The following PCDHA2 variants were observed in gnomAD, a reference collection of about 807,000 sequenced individuals.
PCDHA2 encodes protocadherin alpha-2.
Under a neutral mutation model 66.0 loss-of-function variants are expected in PCDHA2, and 58 were observed. The ratio of observed to expected loss-of-function variants is 0.88; its 90% CI spans 0.71 to 1.09. The LOEUF (loss-of-function observed/expected upper bound fraction) is 1.09. Ranked by LOEUF, PCDHA2 falls within the 50% of genes least tolerant of loss-of-function variation. The probability of loss-of-function intolerance (pLI) is 0.00; values close to 1 mark genes in which losing one functional copy is unlikely to be tolerated. For synonymous variants in PCDHA2, 634 were observed against 554.0 expected (o/e 1.14, Z -2.03); for missense variants, 1,267 against 1,242.3 (o/e 1.02, Z -0.30).
intron 1 of PCDHA2, chr5:140,883,054 C>T: frequency 6.2e-7 from 1 of 1,614,072 alleles, no homozygotes; most frequent in South Asian, 1.1e-5. Context: ...CATTAGTGAT[C>T]AAGCTAAATG....
chr5:140,991,719 A>T (rs1451245400), intron 3 of PCDHA2, among the ~76,000 whole-genome samples: 1 of 152,194 alleles, frequency 6.6e-6, no homozygotes, highest in African/African-American at 2.4e-5. Flanking sequence ...TGCTACTAGC[A>T]GCCTGTTCAA....
chr5:140,862,874 T>G (rs2047608966), intron 1 of PCDHA2: 1 of 568,426 alleles, frequency 1.8e-6, no homozygotes, highest in South Asian at 1.4e-5. Context: ...CTGCCAGGTA[T>G]TAGTGCTGGA....
At chr5:140,898,112 G>A (rs1308883558) in intron 1 of PCDHA2, among the ~76,000 whole-genome samples, 1 of 152,046 alleles carries the variant, frequency 6.6e-6, no homozygotes, top group African/African-American at 2.4e-5. Flanking sequence ...TGAGTAGGTT[G>A]CGAAAATTTT....
At chr5:140,861,440 C>T (rs575320775) in intron 1 of PCDHA2, 3 of 493,406 alleles carry the variant, frequency 6.1e-6, no homozygotes, top group South Asian at 4.7e-5. Context: ...ATTCCAAAAG[C>T]CGCAGAAACC....
chr5:140,883,686 A>G (rs1380292802), intron 1 of PCDHA2: 1 of 1,613,664 alleles, frequency 6.2e-7, no homozygotes, highest in East Asian at 2.2e-5. Flanking sequence ...CCGGGCTGCC[A>G]CATCTTCACG....
At chr5:140,805,490 G>T (rs1380481344) in intron 1 of PCDHA2, 19 of 992,542 alleles carry the variant, frequency 1.9e-5, no homozygotes, top group Non-Finnish European at 2.3e-5. Flanking sequence ...GGAGCGTAAA[G>T]CTATTTTCAC....
rs782184518 is a variant in PCDHA2 at position 140,875,731 on chromosome 5, A to G, written c.2388+78379A>G. On this transcript the variant is annotated intron_variant, in intron 1 of 3. Transcript: ENST00000526136. ...TCTGCAGAATGGCATTTTGTTTGTG[A>G]ATTCTCGGATCGACCGCGAGAAGCT... The G allele has an allele frequency of 1.2e-6, 2 of 1,614,032 alleles. No individual in the cohort carries two copies. Among genetic ancestry groups the G allele is most frequent in the African/African-American group, 2.7e-5 (2 of 74,906 alleles).
intron 1 of PCDHA2, among the ~76,000 whole-genome samples, chr5:140,894,679 C>A (rs1227870690): frequency 6.6e-6 from 1 of 151,682 alleles, no homozygotes; most frequent in African/African-American, 2.4e-5. Context: ...TCTTGCATAG[C>A]TTTTCATTAT....
chr5:140,979,462 T>C (rs2096852361), intron 2 of PCDHA2, among the ~76,000 whole-genome samples: 1 of 152,304 alleles, frequency 6.6e-6, no homozygotes, highest in East Asian at 1.9e-4. Context: ...CAATAATTGA[T>C]TGCTATTGTT....
intron 1 of PCDHA2, among the ~76,000 whole-genome samples, chr5:140,818,626 C>T (rs1235638442): frequency 6.6e-6 from 1 of 152,076 alleles, no homozygotes; most frequent in African/African-American, 2.4e-5. Context: ...TGCTTGAGCC[C>T]AGGAGTTCAA....
chr5:140,883,003 C>T, intron 1 of PCDHA2: 1 of 1,614,050 alleles, frequency 6.2e-7, no homozygotes, highest in East Asian at 2.2e-5. Flanking sequence ...TTTACCAATC[C>T]GTTTATAAAG....
At chr5:140,843,766 G>T (rs1303909479) in intron 1 of PCDHA2, 4 of 1,487,952 alleles carry the variant, frequency 2.7e-6, no homozygotes, top group Non-Finnish European at 3.7e-6. Context: ...GGAAATTGTA[G>T]TTACTTTAAA....
intron 1 of PCDHA2, among the ~76,000 whole-genome samples, chr5:140,844,056 C>T (rs2150368567): frequency 1.3e-5 from 2 of 149,686 alleles, no homozygotes; most frequent in African/African-American, 4.9e-5. Context: ...TCCCCCAAAG[C>T]GTTTATTCTT....
intron 1 of PCDHA2, among the ~76,000 whole-genome samples, chr5:140,961,599 G>T (rs1012408317): frequency 6.6e-6 from 1 of 152,062 alleles, no homozygotes; most frequent in African/African-American, 2.4e-5. Context: ...AATGATTCTA[G>T]TAAATGAAAC....
chr5:140,805,962 C>T lies in PCDHA2; in HGVS notation c.2388+8610C>T, dbSNP rs1763656456. Among the ~76,000 whole-genome samples, 3 of 152,212 alleles carry T rather than the reference C, an allele frequency of 2.0e-5. No homozygotes were observed. The South Asian group carries it at 6.2e-4, about 32-fold the overall frequency. ...TCTGAGCTATTAAACAATTAAGATA[C>T]AACTATTCCCTTTAAAATATATATT... On this transcript the variant is annotated intron_variant, in intron 1 of 3. Transcript: ENST00000526136.
chr5:140,913,125 C>G (rs1164527264), intron 1 of PCDHA2, among the ~76,000 whole-genome samples: 1 of 152,132 alleles, frequency 6.6e-6, no homozygotes, highest in Non-Finnish European at 1.5e-5. Context: ...AAGTTAACCC[C>G]TCCTCTACTT....
At chr5:140,906,257 C>A (rs1394766953) in intron 1 of PCDHA2, among the ~76,000 whole-genome samples, 2 of 152,168 alleles carry the variant, frequency 1.3e-5, no homozygotes, top group Non-Finnish European at 2.9e-5. Flanking sequence ...ATACACACCT[C>A]CTGAAATTAT....
At chr5:140,824,029 C>T (rs1470946833) in intron 1 of PCDHA2, 1 of 1,614,040 alleles carries the variant, frequency 6.2e-7, no homozygotes, top group African/African-American at 1.3e-5. Flanking sequence ...GTACTCGCAG[C>T]AGAGGAGACA....
chr5:140,797,213 A>C lies in PCDHA2; in HGVS notation c.2249A>C (p.Tyr750Ser). Residue 750 changes from tyrosine to serine, a missense_variant, in exon 1 of 4, where the codon TAC (tyrosine) becomes TCC (serine). Tyr to Ser is a moderately radical substitution (Grantham distance 144). Coordinates refer to ENST00000526136, the MANE Select transcript of PCDHA2 (RefSeq NM_018905.3). ...TCCAGCGCCGTGGGGAGCTGGTCTTACTCGCAGCAGAGGCGGCAGAGGGTG... is the reference window on the plus strand; with the variant it reads ...TCCAGCGCCGTGGGGAGCTGGTCTTCCTCGCAGCAGAGGCGGCAGAGGGTG... ...VCSSAVGSWS[Y>S]SQQRRQRVCS... 2 of 1,614,066 alleles carry C rather than the reference A, an allele frequency of 1.2e-6. No homozygotes were observed. Among genetic ancestry groups the C allele is most frequent in the Non-Finnish European group, 1.7e-6 (2 of 1,180,012 alleles).
Sources: gnomAD v4.1 joint callset for allele counts (sites outside exome capture counted in the v4.1 genomes callset) on GRCh38, gnomAD v4.1.1 for gene constraint, MANE v1.5 for transcripts, NCBI Gene and HGNC (gene_info 2026-07-23, HGNC 2026-07-21) for gene names.